Variants in ECPAS observed in about 807,000 individuals in gnomAD.
ECPAS encodes the protein proteasome adapter and scaffold protein ECM29.
ECPAS carries 70 observed loss-of-function variants against 255.1 expected under a neutral mutation model. The observed-to-expected ratio is 0.27, with a 90% CI of 0.23 to 0.33. The LOEUF is 0.33. Ranked by LOEUF, ECPAS falls within the 10% of genes least tolerant of loss-of-function variation. The pLI is 1.00. For synonymous variants in ECPAS, 784 were observed against 775.0 expected (o/e 1.01, Z -0.19); for missense variants, 1,817 against 2,206.4 (o/e 0.82, Z 3.54).
chr9:111,387,106 G>A (rs976960253), intron 31 of ECPAS, among the ~76,000 whole-genome samples: 10 of 152,198 alleles, frequency 6.6e-5, no homozygotes, highest in African/African-American at 2.4e-4. Context: ...CATCAGTGCA[G>A]TTACTGAGGG....
At chr9:111,453,872 G>A (rs994738020) in intron 2 of ECPAS, among the ~76,000 whole-genome samples, 4 of 152,058 alleles carry the variant, frequency 2.6e-5, no homozygotes, top group African/African-American at 9.7e-5. Context: ...TCTCAGACCA[G>A]AGAAAGCTGG....
At chr9:111,362,973 A>T (rs886593268) in intron 49 of ECPAS, among the ~76,000 whole-genome samples, 9 of 152,170 alleles carry the variant, frequency 5.9e-5, no homozygotes, top group African/African-American at 2.2e-4. Flanking sequence ...CAAATACACA[A>T]GGTTGCAGGA....
At chr9:111,363,807 T>C in intron 48 of ECPAS, 148 bp from the exon 49 acceptor site, 1 of 567,858 alleles carries the variant, frequency 1.8e-6, no homozygotes, top group Non-Finnish European at 3.0e-6. Context: ...GAAGCTTCCC[T>C]TTGCTAAGTA....
chr9:111,430,010 A>C (rs574383253), intron 9 of ECPAS, among the ~76,000 whole-genome samples: 1 of 152,370 alleles, frequency 6.6e-6, no homozygotes, highest in Admixed American at 6.5e-5. Context: ...TCTAGACCAG[A>C]AGTCTGCAAA....
intron 2 of ECPAS, among the ~76,000 whole-genome samples, chr9:111,470,935 A>G (rs2098287218): frequency 6.6e-6 from 1 of 152,098 alleles, no homozygotes; most frequent in Non-Finnish European, 1.5e-5. Context: ...TGGCAGAGAT[A>G]CTCAGTTAGA....
intron 19 of ECPAS, 26 bp from the exon 20 acceptor site, chr9:111,414,012 A>T: frequency 6.8e-7 from 1 of 1,478,590 alleles, no homozygotes; most frequent in African/African-American, 1.4e-5. Flanking sequence ...GAATCACCTT[A>T]AATTTCAAGA....
In ECPAS at chr9:111,416,345, T is replaced by C. The variant is rs2098203492; in HGVS notation, c.1691A>G (p.His564Arg). 5.0e-6 allele frequency: 8 copies of C among 1,613,370 alleles called. No individual in the cohort carries two copies. Among genetic ancestry groups the C allele is most frequent in the Non-Finnish European group, 6.8e-6 (8 of 1,179,362 alleles). The change falls in exon 18 of 50, where the codon CAT becomes CGT. Residue 564 changes from histidine to arginine, a missense_variant. By Grantham distance (29) the His-to-Arg change is conservative (BLOSUM62 0). This residue lies in a region of ECPAS where 573 missense variants were observed against 716.2 expected (regional missense o/e 0.80). Coordinates refer to ENST00000684092, the MANE Select transcript of ECPAS (RefSeq NM_001364929.1). ...MVYYIQEKASHRMKTPVKYMT... is the reference protein window; with the variant it reads ...MVYYIQEKASRRMKTPVKYMT... The stretch of plus-strand genomic sequence containing the variant: ...GTACTTGACTGGAGTTTTCATTCGA[T>C]GAGAAGCCTAAGTTTAAAAAGTCCA...
At position 111,478,462 on chromosome 9, in the gene ECPAS, G is replaced by C. The variant is rs1489255723; in HGVS notation, c.-82-5462C>G. Among the ~76,000 whole-genome samples, 4 of 152,166 alleles carry C rather than the reference G, an allele frequency of 2.6e-5. No homozygotes were observed. In the East Asian group the frequency reaches 7.8e-4, roughly 30 times the overall value. Reference sequence around the variant, plus strand: ...GAATCGCTTGAACCCAGAAGGCAGAGGTTGCAGTGATCTGAGATTGCACCA... The same window carrying C: ...GAATCGCTTGAACCCAGAAGGCAGACGTTGCAGTGATCTGAGATTGCACCA... On this transcript the variant is annotated intron_variant, in intron 1 of 49. Coordinates refer to ENST00000684092, the MANE Select transcript of ECPAS (RefSeq NM_001364929.1).
intron 1 of ECPAS, among the ~76,000 whole-genome samples, chr9:111,477,918 T>G (rs1047616073): frequency 6.6e-6 from 1 of 150,812 alleles, no homozygotes; most frequent in African/African-American, 2.4e-5. Context: ...TTTTTTTTTT[T>G]GAAACAAGGT....
intron 3 of ECPAS, among the ~76,000 whole-genome samples, chr9:111,445,037 C>A (rs1331391300): frequency 6.9e-6 from 1 of 144,178 alleles, no homozygotes; most frequent in Non-Finnish European, 1.5e-5. Context: ...GCTCTGTTGC[C>A]CAGGCTAGAG....
At chr9:111,483,994 C>A (rs1347145459) in intron 1 of ECPAS, 122 bp downstream of exon 1, 7 of 1,001,510 alleles carry the variant, frequency 7.0e-6, no homozygotes, top group Non-Finnish European at 8.3e-6. Flanking sequence ...CCTGTCGCCG[C>A]CCGCCCCGCG....
intron 3 of ECPAS, among the ~76,000 whole-genome samples, chr9:111,450,388 C>T (rs187309904): frequency 5.9e-4 from 90 of 152,296 alleles, no homozygotes; most frequent in Non-Finnish European, 6.8e-4. Context: ...CCCATTCCCT[C>T]CTGTAAAGAG....
intron 18 of ECPAS, among the ~76,000 whole-genome samples, chr9:111,415,528 A>C (rs1156887476): frequency 6.6e-6 from 1 of 152,038 alleles, no homozygotes; most frequent in Non-Finnish European, 1.5e-5. Flanking sequence ...GGTGAAACCC[A>C]TCTCTACCAA....
At chr9:111,409,357 C>T (rs1223145179) in intron 23 of ECPAS, among the ~76,000 whole-genome samples, 5 of 152,000 alleles carry the variant, frequency 3.3e-5, no homozygotes, top group Non-Finnish European at 7.4e-5. Context: ...GTCAGGAGTT[C>T]GAGACCAGCC....
At position 111,378,726 on chromosome 9, in the gene ECPAS, T is replaced by C. The variant is rs1396559660; in HGVS notation, c.3808A>G (p.Asn1270Asp). The C allele has an allele frequency of 1.2e-6, 2 of 1,610,010 alleles. No homozygotes were observed. Among genetic ancestry groups the C allele is most frequent in the Middle Eastern group, 3.3e-4 (2 of 6,066 alleles). The change falls in exon 36 of 50, where the codon AAC becomes GAC. Residue 1270 changes from asparagine to aspartate, a missense_variant. By Grantham distance (23) the Asn-to-Asp change is conservative (BLOSUM62 1). Coordinates refer to ENST00000684092, the MANE Select transcript of ECPAS (RefSeq NM_001364929.1). ...CTTTTGCTGATCTTCACAAGGGTGT[T>C]AATGCTACAAACATATGGAACACAA... ...TVTEVRALSI[N>D]TLVKISKSAG...
At position 111,417,855 on chromosome 9, in the gene ECPAS, ACTAATTAC is replaced by A; in HGVS notation, c.1683+20_1683+27del. ...ATTTTCATCATCCATTATGATTTAG[ACTAATTAC>A]CTTAAGTTGCATGCCATACCTTTTC... On this transcript the variant is annotated intron_variant, in intron 17 of 49. Coordinates refer to ENST00000684092, the MANE Select transcript of ECPAS (RefSeq NM_001364929.1). 6.5e-7 allele frequency: 1 copy of A among 1,529,214 alleles called. No homozygotes were observed. The highest frequency in any genetic ancestry group is 8.8e-7 in the Non-Finnish European group (1 of 1,137,788). The allele number at this position is 1,529,214 out of a possible 1,614,324, so 94.7% of individuals were successfully genotyped here.
chr9:111,379,409 T>G (rs1221077511), intron 35 of ECPAS, among the ~76,000 whole-genome samples: 1 of 152,230 alleles, frequency 6.6e-6, no homozygotes, highest in Non-Finnish European at 1.5e-5. Context: ...TTAAAATATC[T>G]TAATGCTACT....
chr9:111,382,260 CTTTTTTTTT>C (rs35441317), intron 35 of ECPAS, among the ~76,000 whole-genome samples: 6 of 107,716 alleles, frequency 5.6e-5, no homozygotes, highest in Non-Finnish European at 9.0e-5. Flanking sequence ...AAAAGTGATA[CTTTTTTTTT>C]TTTTTTTTTT....
rs769789015 is a variant in ECPAS, at chr9:111,440,499, T to C, written c.412A>G (p.Thr138Ala). 12 of 1,608,958 alleles carry C rather than the reference T, an allele frequency of 7.5e-6. No individual in the cohort carries two copies. Among genetic ancestry groups the C allele is most frequent in the South Asian group, 5.5e-5 (5 of 90,352 alleles). ...QDSLMHLLIP[T>A]LFHMKYPVES... The stretch of plus-strand genomic sequence containing the variant: ...ACAGGGTATTTCATGTGAAAAAGGG[T>C]TGGTATTAAAAGATGCATTAAGCTG... Residue 138 changes from threonine to alanine, a missense_variant, in exon 6 of 50, where the codon ACC (threonine) becomes GCC (alanine). Transcript: ENST00000684092.
Sources: allele counts gnomAD v4.1 joint callset (sites outside exome capture counted in the v4.1 genomes callset), GRCh38; gene constraint gnomAD v4.1.1; regional missense constraint gnomAD v4.1.1; transcripts MANE v1.5; gene names NCBI Gene and HGNC (gene_info 2026-07-23, HGNC 2026-07-21).